Variants in TRAF3 observed in about 807,000 individuals in gnomAD.
The protein encoded by TRAF3 is TNF receptor-associated factor 3.
TRAF3 carries 13 observed loss-of-function variants against 62.3 expected under a neutral mutation model. The ratio of observed to expected loss-of-function variants is 0.21; its 90% CI spans 0.14 to 0.33. The LOEUF (loss-of-function observed/expected upper bound fraction) is 0.33. Ranked by LOEUF, TRAF3 falls within the 10% of genes least tolerant of loss-of-function variation. TRAF3 has a pLI of 1.00. For synonymous variants in TRAF3, 269 were observed against 283.4 expected (o/e 0.95, Z 0.51); for missense variants, 440 against 741.8 (o/e 0.59, Z 4.73).
At chr14:102,811,333 A>G (rs938585742) in intron 1 of TRAF3, among the ~76,000 whole-genome samples, 3 of 142,638 alleles carry the variant, frequency 2.1e-5, no homozygotes, top group Non-Finnish European at 4.5e-5. Flanking sequence ...GAGTCTTGCT[A>G]TGTTGCCTCA....
chr14:102,820,614 A>AT (rs57149106), intron 1 of TRAF3, among the ~76,000 whole-genome samples: 7 of 17,926 alleles, frequency 3.9e-4, no homozygotes, highest in African/African-American at 1.8e-3. Flanking sequence ...ATATATATAT[A>AT]TTTTTTTTTT....
intron 1 of TRAF3, among the ~76,000 whole-genome samples, chr14:102,827,182 C>G (rs1900371398): frequency 1.3e-5 from 2 of 152,236 alleles, no homozygotes. Context: ...AGAACCTTGT[C>G]CTGGAGGTGC....
chr14:102,907,086 C>A lies in TRAF3; in HGVS notation c.*1302C>A. ...CCGTCGGCTTCTGGAGCCTCCGCTGCTTAATTACCACAGATTCCAAATCTC... is the reference window on the plus strand; with the variant it reads ...CCGTCGGCTTCTGGAGCCTCCGCTGATTAATTACCACAGATTCCAAATCTC... On this transcript the variant is annotated 3_prime_UTR_variant, in exon 12 of 12. Transcript: ENST00000392745. 1 of 152,360 alleles carries A rather than the reference C, an allele frequency of 6.6e-6. No homozygotes were observed. Among genetic ancestry groups the A allele is most frequent in the Non-Finnish European group, 1.5e-5 (1 of 68,050 alleles). 9.4% of individuals were successfully genotyped at this position (152,360 alleles called of 1,614,324 possible).
At chr14:102,845,454 C>T (rs1345677780) in intron 2 of TRAF3, among the ~76,000 whole-genome samples, 2 of 151,764 alleles carry the variant, frequency 1.3e-5, no homozygotes, top group Non-Finnish European at 2.9e-5. Context: ...CTGCCCACCT[C>T]AGTCTTCCAA....
At chr14:102,802,809 C>T (rs1898524697) in intron 1 of TRAF3, among the ~76,000 whole-genome samples, 1 of 152,040 alleles carries the variant, frequency 6.6e-6, no homozygotes, top group Non-Finnish European at 1.5e-5. Flanking sequence ...GCCTGGGCAA[C>T]CGAGCAAGAC....
At chr14:102,879,096 G>A (rs1239379186) in intron 6 of TRAF3, among the ~76,000 whole-genome samples, 3 of 151,968 alleles carry the variant, frequency 2.0e-5, no homozygotes, top group African/African-American at 7.3e-5. Context: ...TTGGTGGCTC[G>A]CAGGATCATG....
chr14:102,853,087 A>C (rs1431241489), intron 2 of TRAF3, among the ~76,000 whole-genome samples: 1 of 152,042 alleles, frequency 6.6e-6, no homozygotes, highest in Non-Finnish European at 1.5e-5. Flanking sequence ...TTTTTAGTAG[A>C]GACAGGGTTT....
At chr14:102,887,770 A>G (rs1389722406) in intron 7 of TRAF3, among the ~76,000 whole-genome samples, 4 of 151,338 alleles carry the variant, frequency 2.6e-5, no homozygotes, top group Non-Finnish European at 4.4e-5. Context: ...AATTTCTTGT[A>G]TTTTTTAGTA....
chr14:102,845,596 A>G (rs1320373061), intron 2 of TRAF3, among the ~76,000 whole-genome samples: 2 of 151,294 alleles, frequency 1.3e-5, no homozygotes, highest in African/African-American at 4.9e-5. Flanking sequence ...GCTCACTGCA[A>G]GCTCTGCCTC....
In TRAF3 at chr14:102,778,189, C is replaced by G. The variant is rs559006558; in HGVS notation, c.-157+514C>G. On this transcript the variant is annotated intron_variant, in intron 1 of 11. Transcript: ENST00000392745. The stretch of plus-strand genomic sequence containing the variant: ...GCCTCCGACCGCTTGGCGGGCGGCG[C>G]GGGGGTCCGGGTATGGGCAGAGGGC... Among the ~76,000 whole-genome samples the G allele has an allele frequency of 7.0e-3, 1,066 of 151,334 alleles. 21 individuals are homozygous for G. The highest frequency in any genetic ancestry group is 0.024 in the African/African-American group (1,006 of 41,398).
intron 8 of TRAF3, among the ~76,000 whole-genome samples, chr14:102,890,115 A>C (rs1889627968): frequency 6.6e-6 from 1 of 152,264 alleles, no homozygotes; most frequent in Non-Finnish European, 1.5e-5. Context: ...ACAGACGCAA[A>C]ATGGAGCACA....
intron 10 of TRAF3, among the ~76,000 whole-genome samples, chr14:102,901,138 G>T (rs895068622): frequency 1.3e-5 from 2 of 152,234 alleles, no homozygotes; most frequent in African/African-American, 4.8e-5. Flanking sequence ...CACGCATGTT[G>T]TGTGTTCCTG....
At chr14:102,804,258 T>A (rs1403084161) in intron 1 of TRAF3, among the ~76,000 whole-genome samples, 2 of 152,154 alleles carry the variant, frequency 1.3e-5, no homozygotes, top group African/African-American at 4.8e-5. Context: ...GACTCCCTTT[T>A]CTCTGTAGAG....
intron 1 of TRAF3, among the ~76,000 whole-genome samples, chr14:102,790,624 A>C (rs56101042): frequency 3.3e-5 from 5 of 151,986 alleles, no homozygotes; most frequent in Non-Finnish European, 5.9e-5. Context: ...GAGACTTACT[A>C]TCATGAGAAC....
intron 1 of TRAF3, among the ~76,000 whole-genome samples, chr14:102,778,529 G>A (rs1897133316): frequency 6.6e-6 from 1 of 152,182 alleles, no homozygotes; most frequent in East Asian, 1.9e-4. Flanking sequence ...TGTATTTCAC[G>A]TTTTTCGAAT....
At chr14:102,881,733 G>T (rs1445538262) in intron 6 of TRAF3, among the ~76,000 whole-genome samples, 13 of 152,126 alleles carry the variant, frequency 8.5e-5, no homozygotes. Flanking sequence ...ATGTACCCTG[G>T]AACTTAAAAT....
chr14:102,860,515 A>G lies in TRAF3; in HGVS notation c.-17-9670A>G, dbSNP rs575264873. 9.2e-5 allele frequency among the ~76,000 whole-genome samples: 14 copies of G among 152,322 alleles called. No individual in the cohort carries two copies. In the South Asian group the frequency reaches 2.7e-3, roughly 29 times the overall value. ...AGCACTCTTTAAAAAGTCGTTTTAA[A>G]TATCTTATTACCCAACTTTAGCCAC... is the stretch of plus-strand genomic sequence containing the variant. On this transcript the variant is annotated intron_variant, in intron 2 of 11. Coordinates refer to ENST00000392745, the MANE Select transcript of TRAF3 (RefSeq NM_145725.3).
intron 1 of TRAF3, among the ~76,000 whole-genome samples, chr14:102,800,981 A>AG (rs747458472): frequency 6.6e-6 from 1 of 151,812 alleles, no homozygotes; most frequent in Non-Finnish European, 1.5e-5. Context: ...GATCGAGACC[A>AG]CGGTGAAACC....
rs1231552444 is a variant in TRAF3 at position 102,826,711 on chromosome 14, CTCACACCTGT to C, written c.-156-3619_-156-3610del. Among the ~76,000 whole-genome samples the C allele has an allele frequency of 2.0e-5, 3 of 152,150 alleles. No individual in the cohort carries two copies. The highest frequency in any genetic ancestry group is 7.2e-5 in the African/African-American group (3 of 41,412). ...TTTATTCATTCGTGCAGTCCTTCAC[CTCACACCTGT>C]TCAGGGTCCGGCTGGGCTCTGGACA... On this transcript the variant is annotated intron_variant, in intron 1 of 11. Transcript: ENST00000392745. The surrounding 1 kb of genome is among the most constrained non-coding windows in gnomAD (Gnocchi z 4.6).
Sources: allele counts gnomAD v4.1 joint callset (sites outside exome capture counted in the v4.1 genomes callset), GRCh38; gene constraint gnomAD v4.1.1; non-coding constraint Gnocchi (gnomAD v3.1); transcripts MANE v1.5; gene names NCBI Gene and HGNC (gene_info 2026-07-23, HGNC 2026-07-21).